ARHGAP42: variants seen among roughly 807,000 people sequenced by gnomAD.
The protein encoded by ARHGAP42 is Rho GTPase activating protein 42.
In ARHGAP42, 63 loss-of-function variants were observed where a neutral mutation model predicts 125.0. The observed-to-expected ratio is 0.50, with a 90% CI of 0.41 to 0.62. The LOEUF is 0.62. ARHGAP42 is among the 20% of genes least tolerant of loss of function. The pLI, the probability that ARHGAP42 is intolerant of heterozygous loss-of-function variation, is 0.00. For synonymous variants in ARHGAP42, 339 were observed against 351.0 expected, an observed-to-expected ratio of 0.97 and a Z score of 0.38; for missense variants, 766 against 1,024.2, an observed-to-expected ratio of 0.75 and a Z score of 3.44.
At chr11:100,789,510 C>T (rs1863515892) in intron 2 of ARHGAP42, among the ~76,000 whole-genome samples, 1 of 152,146 alleles carries the variant, frequency 6.6e-6, no homozygotes, top group Non-Finnish European at 1.5e-5. Context: ...TGCAAGCAAG[C>T]CATGGGTGCA....
intron 1 of ARHGAP42, among the ~76,000 whole-genome samples, chr11:100,746,545 C>T (rs1387284150): frequency 6.6e-6 from 1 of 152,238 alleles, no homozygotes; most frequent in East Asian, 1.9e-4. Flanking sequence ...CAAGCATTTA[C>T]ATCTTTACAC....
chr11:100,826,027 G>A (rs1423194216), intron 3 of ARHGAP42, among the ~76,000 whole-genome samples: 1 of 152,064 alleles, frequency 6.6e-6, no homozygotes, highest in Non-Finnish European at 1.5e-5. Context: ...GTCCAAGTGG[G>A]TAGACGAGTT....
chr11:100,875,899 T>C (rs1024888551), intron 4 of ARHGAP42, among the ~76,000 whole-genome samples: 1 of 152,218 alleles, frequency 6.6e-6, no homozygotes, highest in Non-Finnish European at 1.5e-5. Flanking sequence ...TATTGGAATA[T>C]AGTGTCTCTT....
intron 1 of ARHGAP42, among the ~76,000 whole-genome samples, chr11:100,733,240 A>T (rs1262431778): frequency 6.6e-6 from 1 of 152,226 alleles, no homozygotes; most frequent in East Asian, 1.9e-4. Flanking sequence ...TGAAATAGGG[A>T]TAAAAAGACC....
chr11:100,881,876 G>T (rs922528732), intron 4 of ARHGAP42, among the ~76,000 whole-genome samples: 1 of 152,202 alleles, frequency 6.6e-6, no homozygotes, highest in South Asian at 2.1e-4. Context: ...TCCAGCTATT[G>T]TAAAAGGAGT....
intron 1 of ARHGAP42, among the ~76,000 whole-genome samples, chr11:100,731,365 G>C (rs1267031365): frequency 1.3e-5 from 2 of 152,098 alleles, no homozygotes; most frequent in Non-Finnish European, 2.9e-5. Context: ...CACCATGTTG[G>C]CCAGGGTGGT....
rs7108301 is a variant in ARHGAP42 at position 100,907,968 on chromosome 11, A to G, written c.385-5484A>G. On this transcript the variant is annotated intron_variant, in intron 4 of 23. Coordinates refer to ENST00000298815, the MANE Select transcript of ARHGAP42 (RefSeq NM_152432.4). ...TTTAGGTAATGGCTATGCTAACATG[A>G]TAACAAAAATAGTTGCTTGGGAAAT... is the stretch of plus-strand genomic sequence containing the variant. Among the ~76,000 whole-genome samples, 1,104 of 152,328 alleles carry G rather than the reference A, an allele frequency of 7.2e-3. 18 individuals carry two copies. The highest frequency in any genetic ancestry group is 0.025 in the African/African-American group (1,033 of 41,568).
chr11:100,915,212 G>A (rs1353928694), intron 5 of ARHGAP42, among the ~76,000 whole-genome samples: 2 of 152,104 alleles, frequency 1.3e-5, no homozygotes, highest in Non-Finnish European at 1.5e-5. Flanking sequence ...ATTTGGTACT[G>A]CTTGTTGTAA....
chr11:100,764,664 G>C (rs1862788655), intron 1 of ARHGAP42, among the ~76,000 whole-genome samples: 1 of 152,162 alleles, frequency 6.6e-6, no homozygotes, highest in Non-Finnish European at 1.5e-5. Flanking sequence ...AGCCACATTA[G>C]GGGCTTGTAA....
At chr11:100,877,006 A>C (rs933259556) in intron 4 of ARHGAP42, among the ~76,000 whole-genome samples, 4 of 152,218 alleles carry the variant, frequency 2.6e-5, no homozygotes, top group Admixed American at 2.6e-4. Flanking sequence ...AAGTGAAGTG[A>C]GCTCACTGTA....
intron 17 of ARHGAP42, among the ~76,000 whole-genome samples, chr11:100,966,273 A>C (rs1858092072): frequency 6.6e-6 from 1 of 152,192 alleles, no homozygotes; most frequent in African/African-American, 2.4e-5. Context: ...CTCTTTGTAG[A>C]TAAATACTGT....
chr11:100,789,977 G>A (rs886707788), intron 2 of ARHGAP42, among the ~76,000 whole-genome samples: 11 of 152,196 alleles, frequency 7.2e-5, no homozygotes, highest in South Asian at 2.1e-4. Flanking sequence ...AATTCTCATC[G>A]TAGTTTTAAA....
intron 4 of ARHGAP42, among the ~76,000 whole-genome samples, chr11:100,883,153 CT>C (rs1399313097): frequency 2.0e-5 from 3 of 152,204 alleles, no homozygotes; most frequent in African/African-American, 7.2e-5. Context: ...TCTCTGTGGA[CT>C]TTTACAGTCA....
chr11:100,988,990 T>A lies in ARHGAP42; in HGVS notation c.*189T>A. ...AAAGATTTAAATTGTTGGCCATTCT[T>A]TTTTGGTTGGTTTCTTATTTTAAAA... On this transcript the variant is annotated 3_prime_UTR_variant, in exon 24 of 24. Coordinates refer to ENST00000298815, the MANE Select transcript of ARHGAP42 (RefSeq NM_152432.4). The A allele has an allele frequency of 4.0e-6, 2 of 494,122 alleles. No homozygotes were observed. Among genetic ancestry groups the A allele is most frequent in the Non-Finnish European group, 7.2e-6 (2 of 277,192 alleles). 30.6% of individuals were successfully genotyped at this position (494,122 alleles called of 1,614,324 possible).
intron 6 of ARHGAP42, among the ~76,000 whole-genome samples, chr11:100,926,996 A>C (rs961855007): frequency 6.6e-6 from 1 of 152,240 alleles, no homozygotes; most frequent in Non-Finnish European, 1.5e-5. Flanking sequence ...AATGCAGAAA[A>C]TGAAAATAAA....
chr11:100,701,148 T>C (rs1052713047), intron 1 of ARHGAP42, among the ~76,000 whole-genome samples: 1 of 152,128 alleles, frequency 6.6e-6, no homozygotes, highest in Admixed American at 6.5e-5. Context: ...ATGAACTTTT[T>C]TTTTTTTTTT....
rs142265149 is a variant in ARHGAP42, at chr11:100,867,848, T to A, written c.384+8223T>A. ...GTAGACATATGACTTTTCCTTTCAG[T>A]TGAATACTTGGAAGCCATTGTACGG... On this transcript the variant is annotated intron_variant, in intron 4 of 23. Transcript: ENST00000298815. Among the ~76,000 whole-genome samples, 37 of 152,314 alleles carry A rather than the reference T, an allele frequency of 2.4e-4. 1 individual carries two copies. The East Asian group carries it at 7.1e-3, about 29-fold the overall frequency.
intron 4 of ARHGAP42, among the ~76,000 whole-genome samples, chr11:100,875,866 T>G (rs1865813681): frequency 6.6e-6 from 1 of 152,076 alleles, no homozygotes. Context: ...GAATTCAGAT[T>G]TCAGTGTCCA....
chr11:100,892,635 A>T (rs1866248462), intron 4 of ARHGAP42, among the ~76,000 whole-genome samples: 1 of 152,196 alleles, frequency 6.6e-6, no homozygotes, highest in South Asian at 2.1e-4. Flanking sequence ...AGATGACATT[A>T]TAGATGCTTC....
Sources: gnomAD v4.1 joint callset for allele counts (sites outside exome capture counted in the v4.1 genomes callset) on GRCh38, gnomAD v4.1.1 for gene constraint, MANE v1.5 for transcripts, NCBI Gene and HGNC (gene_info 2026-07-23, HGNC 2026-07-21) for gene names.